GPR176: variants seen among roughly 807,000 people sequenced by gnomAD.
GPR176 encodes the protein G-protein coupled receptor 176.
GPR176 carries 26 observed loss-of-function variants against 35.4 expected under a neutral mutation model. That is an observed-to-expected ratio of 0.74 (90% CI 0.54 to 1.02). The LOEUF is 1.02. Ranked by LOEUF, GPR176 falls within the 50% of genes least tolerant of loss-of-function variation. The pLI is 0.00. For synonymous variants in GPR176, 278 were observed against 271.3 expected (o/e 1.02, Z -0.24); for missense variants, 597 against 665.3 (o/e 0.90, Z 1.13).
intron 1 of GPR176, among the ~76,000 whole-genome samples, chr15:39,808,067 T>TA (rs1207088832): frequency 6.6e-6 from 1 of 152,168 alleles, no homozygotes; most frequent in Non-Finnish European, 1.5e-5. Flanking sequence ...AGTCTACTCT[T>TA]ACCAGGTTTT....
chr15:39,820,054 A>G (rs186543327), intron 1 of GPR176, among the ~76,000 whole-genome samples: 1 of 152,328 alleles, frequency 6.6e-6, no homozygotes, highest in African/African-American at 2.4e-5. Context: ...AATTCTTCTA[A>G]CAGATTTGGG....
intron 1 of GPR176, among the ~76,000 whole-genome samples, chr15:39,833,671 A>G (rs534095163): frequency 1.3e-5 from 2 of 152,210 alleles, no homozygotes. Context: ...TTACATGTCA[A>G]TAAAGCTGTT....
At chr15:39,875,871 T>C (rs895191338) in intron 1 of GPR176, among the ~76,000 whole-genome samples, 2 of 151,836 alleles carry the variant, frequency 1.3e-5, no homozygotes, top group Non-Finnish European at 2.9e-5. Flanking sequence ...TGGTGTGTAC[T>C]TTTTTGCAAT....
Position 39,801,348 on chromosome 15 carries a change from T to C in GPR176, c.1332A>G (p.Thr444=), listed in dbSNP as rs1396158593. 1.2e-6 allele frequency: 2 copies of C among 1,614,104 alleles called. No individual in the cohort carries two copies. The highest frequency in any genetic ancestry group is 2.2e-5 in the South Asian group (2 of 91,082). ...ACTGCAGGGAATACTTATCAGGGAA[T>C]GTTTCAGGTTCCACAGGGGCTGCCG... ...VAPAAPVEPE[T]FPDKYSLQFG... Residue 444 remains threonine (T), a synonymous_variant, in exon 3 of 3, where the codon ACA becomes ACG. Coordinates refer to ENST00000561100, the MANE Select transcript of GPR176 (RefSeq NM_007223.3).
intron 1 of GPR176, among the ~76,000 whole-genome samples, chr15:39,849,537 T>G (rs1180088835): frequency 6.6e-6 from 1 of 152,148 alleles, no homozygotes; most frequent in East Asian, 1.9e-4. Flanking sequence ...AAAGATTAGC[T>G]AATAGAATTC....
chr15:39,827,350 G>A (rs1900734297), intron 1 of GPR176, among the ~76,000 whole-genome samples: 1 of 152,156 alleles, frequency 6.6e-6, no homozygotes, highest in South Asian at 2.1e-4. Flanking sequence ...CTCCAGACTG[G>A]CCAGAGCCAC....
chr15:39,913,651 ATACATGGTTTCTTTAGGT>A (rs1206405772), intron 1 of GPR176, among the ~76,000 whole-genome samples: 1 of 152,162 alleles, frequency 6.6e-6, no homozygotes, highest in African/African-American at 2.4e-5. Flanking sequence ...CTACCGAAGG[ATACATGGTTTCTTTAGGT>A]TACATGGTTT....
intron 1 of GPR176, among the ~76,000 whole-genome samples, chr15:39,905,748 T>A (rs2033402670): frequency 1.3e-5 from 2 of 152,162 alleles, no homozygotes; most frequent in African/African-American, 4.8e-5. Context: ...ATAACGATCT[T>A]GAATTAGCAA....
At chr15:39,821,222 T>C (rs569960881) in intron 1 of GPR176, among the ~76,000 whole-genome samples, 1 of 152,346 alleles carries the variant, frequency 6.6e-6, no homozygotes, top group Non-Finnish European at 1.5e-5. Flanking sequence ...TTAGCCTGTT[T>C]AATGCAGTAA....
chr15:39,840,196 G>A (rs1901654879), intron 1 of GPR176, among the ~76,000 whole-genome samples: 1 of 152,056 alleles, frequency 6.6e-6, no homozygotes, highest in African/African-American at 2.4e-5. Flanking sequence ...TGTTTATTGT[G>A]GCACTATTCA....
At chr15:39,855,529 C>A (rs1283724945) in intron 1 of GPR176, among the ~76,000 whole-genome samples, 1 of 152,170 alleles carries the variant, frequency 6.6e-6, no homozygotes, top group African/African-American at 2.4e-5. Context: ...AAGAGTGGAG[C>A]CTCTGGTGAG....
At chr15:39,900,826 G>C (rs559677607) in intron 1 of GPR176, among the ~76,000 whole-genome samples, 23 of 152,196 alleles carry the variant, frequency 1.5e-4, no homozygotes, top group Non-Finnish European at 2.4e-4. Flanking sequence ...CTATCTTAGT[G>C]AAAGTTTTGT....
chr15:39,810,058 C>T (rs186124453), intron 1 of GPR176, among the ~76,000 whole-genome samples: 4 of 150,928 alleles, frequency 2.7e-5, no homozygotes, highest in East Asian at 3.9e-4. Flanking sequence ...GGCAGGAGAA[C>T]GGCGTGAACC....
At chr15:39,851,703 C>T (rs116879759) in intron 1 of GPR176, among the ~76,000 whole-genome samples, 169 of 152,322 alleles carry the variant, frequency 1.1e-3, no homozygotes, top group Admixed American at 3.0e-3. Context: ...CCCTGGTTGT[C>T]ATAGCGACTG....
chr15:39,848,010 T>C (rs1158328645), intron 1 of GPR176, among the ~76,000 whole-genome samples: 1 of 152,064 alleles, frequency 6.6e-6, no homozygotes, highest in African/African-American at 2.4e-5. Flanking sequence ...GGGGAGGTGC[T>C]ACACACTTTC....
At chr15:39,909,048 C>A (rs1180057713) in intron 1 of GPR176, among the ~76,000 whole-genome samples, 2 of 152,186 alleles carry the variant, frequency 1.3e-5, no homozygotes, top group African/African-American at 2.4e-5. Flanking sequence ...CCTCTGTAAT[C>A]TTTCAACCAC....
chr15:39,886,157 C>T (rs958796906), intron 1 of GPR176, among the ~76,000 whole-genome samples: 38 of 151,842 alleles, frequency 2.5e-4, no homozygotes, highest in African/African-American at 7.5e-4. Context: ...CACTTGAACC[C>T]GGGAGTAGGA....
At chr15:39,840,439 A>G (rs1968002) in intron 1 of GPR176, among the ~76,000 whole-genome samples, 58,311 of 151,944 alleles carry the variant, frequency 0.38, 12,131 homozygotes, top group East Asian at 0.7. Flanking sequence ...CAATGAGAAC[A>G]CTTGGACACA....
intron 1 of GPR176, among the ~76,000 whole-genome samples, chr15:39,831,894 T>C (rs1901100903): frequency 6.6e-6 from 1 of 152,082 alleles, no homozygotes; most frequent in Non-Finnish European, 1.5e-5. Flanking sequence ...CTTATCACTC[T>C]CAGTATTTTA....
Sources: gnomAD v4.1 joint callset for allele counts (sites outside exome capture counted in the v4.1 genomes callset) on GRCh38, gnomAD v4.1.1 for gene constraint, MANE v1.5 for transcripts, NCBI Gene and HGNC (gene_info 2026-07-23, HGNC 2026-07-21) for gene names.